Variants in PRKN observed in about 807,000 individuals in gnomAD.
PRKN encodes E3 ubiquitin-protein ligase parkin.
In PRKN, 56 loss-of-function variants were observed where a neutral mutation model predicts 59.5. That is an observed-to-expected ratio of 0.94 (90% CI 0.76 to 1.18). The LOEUF (loss-of-function observed/expected upper bound fraction) is 1.18. PRKN is among the 50% of genes most tolerant of loss of function. The pLI, the probability that PRKN is intolerant of heterozygous loss-of-function variation, is 0.00. For synonymous variants in PRKN, 250 were observed against 222.1 expected (o/e 1.13, Z -1.12); for missense variants, 657 against 596.4 (o/e 1.10, Z -1.06).
intron 9 of PRKN, among the ~76,000 whole-genome samples, chr6:161,521,631 TAAG>T (rs1339383652): frequency 6.6e-6 from 1 of 152,238 alleles, no homozygotes; most frequent in African/African-American, 2.4e-5. Flanking sequence ...CCCATGATGT[TAAG>T]ATAGCAACAC....
At chr6:162,107,443 C>A (rs374590007) in intron 4 of PRKN, among the ~76,000 whole-genome samples, 3 of 152,110 alleles carry the variant, frequency 2.0e-5, no homozygotes, top group Non-Finnish European at 4.4e-5. Context: ...CCAGCCTGGG[C>A]GACAGAGCGA....
In PRKN at chr6:162,442,562, T is replaced by C. The variant is rs188761039; in HGVS notation, c.171+748A>G. On this transcript the variant is annotated intron_variant, in intron 2 of 11. Coordinates refer to ENST00000366898, the MANE Select transcript of PRKN (RefSeq NM_004562.3). ...CCAGTCCCCCTAATTCCTACAAAAA[T>C]CACCAATCCGAATGACATGTGTGTA... is the stretch of plus-strand genomic sequence containing the variant. 2.2e-3 allele frequency among the ~76,000 whole-genome samples: 329 copies of C among 152,202 alleles called. 2 individuals carry two copies. The highest frequency in any genetic ancestry group is 7.6e-3 in the African/African-American group (315 of 41,514).
At chr6:162,364,080 C>T (rs534851821) in intron 2 of PRKN, among the ~76,000 whole-genome samples, 13 of 152,202 alleles carry the variant, frequency 8.5e-5, no homozygotes, top group Non-Finnish European at 1.6e-4. Flanking sequence ...CCAAGACTCA[C>T]GTCTTCCACC....
At chr6:162,300,868 A>C in intron 2 of PRKN, among the ~76,000 whole-genome samples, 1 of 152,246 alleles carries the variant, frequency 6.6e-6, no homozygotes, top group Middle Eastern at 3.4e-3. Flanking sequence ...CTATACATTA[A>C]CAAAATAAAA....
At chr6:162,516,293 CT>C (rs1219074386) in intron 1 of PRKN, among the ~76,000 whole-genome samples, 1 of 152,184 alleles carries the variant, frequency 6.6e-6, no homozygotes, top group African/African-American at 2.4e-5. Context: ...CCTAACTCCT[CT>C]GCTGAGTGCC....
chr6:162,464,067 A>T (rs867488304), intron 1 of PRKN, among the ~76,000 whole-genome samples: 2 of 152,186 alleles, frequency 1.3e-5, no homozygotes, highest in South Asian at 4.1e-4. Context: ...GGTGACGTTT[A>T]AGCTTTGTAA....
intron 7 of PRKN, among the ~76,000 whole-genome samples, chr6:161,709,600 ATTTAGT>A (rs1786656313): frequency 6.6e-6 from 1 of 152,204 alleles, no homozygotes; most frequent in Non-Finnish European, 1.5e-5. Context: ...CTGGGTATGT[ATTTAGT>A]TTGGTTAATA....
chr6:162,002,326 A>AT (rs1275328511), intron 5 of PRKN, among the ~76,000 whole-genome samples: 1 of 152,138 alleles, frequency 6.6e-6, no homozygotes, highest in South Asian at 2.1e-4. Flanking sequence ...TCCTGATTCA[A>AT]TTTTTAAGAT....
At chr6:161,591,247 T>C (rs1297286615) in intron 7 of PRKN, among the ~76,000 whole-genome samples, 1 of 152,206 alleles carries the variant, frequency 6.6e-6, no homozygotes, top group Non-Finnish European at 1.5e-5. Flanking sequence ...TTCTTTCTCT[T>C]GCACCTTTTC....
chr6:162,601,064 C>G (rs1392259288), intron 1 of PRKN, among the ~76,000 whole-genome samples: 1 of 152,134 alleles, frequency 6.6e-6, no homozygotes, highest in East Asian at 1.9e-4. Context: ...GATCCCAGTT[C>G]TAGAAGCTGA....
chr6:161,474,625 C>T (rs1167993313), intron 9 of PRKN, among the ~76,000 whole-genome samples: 3 of 151,706 alleles, frequency 2.0e-5, no homozygotes, highest in African/African-American at 7.3e-5. Context: ...AATGGAGTCT[C>T]GCTCTGTTGC....
At position 161,487,236 on chromosome 6, in the gene PRKN, A is replaced by AT; in HGVS notation, c.1083+61617dup. On this transcript the variant is annotated intron_variant, in intron 9 of 11. Transcript: ENST00000366898. This position sits in a 1 kb window ranked among gnomAD's most constrained non-coding sequence, Gnocchi z 5.3. ...CTCAACCCTTTTTACAGGAGAAGACATTGAGGCATAGACCCATGAAGTGGG... is the reference window on the plus strand; with the variant it reads ...CTCAACCCTTTTTACAGGAGAAGACATTTGAGGCATAGACCCATGAAGTGGG... Among the ~76,000 whole-genome samples, 1 of 152,332 alleles carries AT rather than the reference A, an allele frequency of 6.6e-6. No individual in the cohort carries two copies. Among genetic ancestry groups the AT allele is most frequent in the Middle Eastern group, 3.4e-3 (1 of 294 alleles).
chr6:162,233,845 C>T (rs555390199), intron 3 of PRKN, among the ~76,000 whole-genome samples: 1 of 152,208 alleles, frequency 6.6e-6, no homozygotes, highest in South Asian at 2.1e-4. Context: ...GACATGCATG[C>T]TCTTGTCCTC....
intron 5 of PRKN, among the ~76,000 whole-genome samples, chr6:162,013,124 T>G (rs964764416): frequency 6.6e-6 from 1 of 152,168 alleles, no homozygotes; most frequent in African/African-American, 2.4e-5. Flanking sequence ...TCAATCCTTC[T>G]ACATGTGGAA....
Position 162,540,655 on chromosome 6 carries a change from A to G in PRKN, c.8-97182T>C, listed in dbSNP as rs1294708909. Among the ~76,000 whole-genome samples the G allele has an allele frequency of 2.0e-5, 3 of 151,764 alleles. No individual in the cohort carries two copies. The East Asian group carries it at 5.9e-4, about 30-fold the overall frequency. ...AACCCCGCCTCTACTAAAAATATAA[A>G]AATTAGCTGGGCATGGTGGTGGGTG... On this transcript the variant is annotated intron_variant, in intron 1 of 11. Coordinates refer to ENST00000366898, the MANE Select transcript of PRKN (RefSeq NM_004562.3).
chr6:162,463,296 T>C (rs894625157), intron 1 of PRKN, among the ~76,000 whole-genome samples: 5 of 152,062 alleles, frequency 3.3e-5, no homozygotes, highest in African/African-American at 1.2e-4. Flanking sequence ...AAGCACAAAG[T>C]TTTGCATGGA....
intron 6 of PRKN, among the ~76,000 whole-genome samples, chr6:161,789,418 G>T (rs3019431): frequency 0.81 from 123,004 of 152,022 alleles, 52,082 homozygotes; most frequent in East Asian, 0.95. Flanking sequence ...AGCTGGGAAG[G>T]TCCTTGCGTA....
chr6:162,165,567 T>C (rs1247207950), intron 4 of PRKN, among the ~76,000 whole-genome samples: 1 of 149,356 alleles, frequency 6.7e-6, no homozygotes, highest in East Asian at 1.9e-4. Flanking sequence ...GCACATAACA[T>C]TGTCAGTGAG....
intron 7 of PRKN, among the ~76,000 whole-genome samples, chr6:161,760,644 C>T (rs1429728715): frequency 6.6e-6 from 1 of 152,046 alleles, no homozygotes; most frequent in Admixed American, 6.5e-5. Flanking sequence ...CCTGTCTTAC[C>T]CACCCTTTAA....
Sources: allele counts gnomAD v4.1 joint callset (sites outside exome capture counted in the v4.1 genomes callset), GRCh38; gene constraint gnomAD v4.1.1; non-coding constraint Gnocchi (gnomAD v3.1); transcripts MANE v1.5; gene names NCBI Gene and HGNC (gene_info 2026-07-23, HGNC 2026-07-21).